The following C6orf89 variants were observed in gnomAD, a reference collection of about 807,000 sequenced individuals.
C6orf89 encodes bombesin receptor-activated protein C6orf89.
In C6orf89, 29 loss-of-function variants were observed where a neutral mutation model predicts 40.7. The observed-to-expected ratio is 0.71, with a 90% CI of 0.53 to 0.97. The LOEUF (loss-of-function observed/expected upper bound fraction) is 0.97. C6orf89 is among the 50% of genes least tolerant of loss of function. The pLI is 0.00. For missense variants in C6orf89, 392 were observed against 429.1 expected (o/e 0.91, Z 0.76); for synonymous variants, 165 against 152.2 (o/e 1.08, Z -0.62).
chr6:36,902,280 C>A lies in C6orf89; in HGVS notation c.249C>A (p.Ser83Arg). The A allele has an allele frequency of 6.2e-7, 1 of 1,614,196 alleles. No homozygotes were observed. The highest frequency in any genetic ancestry group is 1.3e-5 in the African/African-American group (1 of 75,036). Reference sequence around the variant, plus strand: ...CCTACTTTGTGATTCAACCTTTCAGCCCATTAGCACCTGAGCCAGTGCTTT... The same window carrying A: ...CCTACTTTGTGATTCAACCTTTCAGACCATTAGCACCTGAGCCAGTGCTTT... ...LTAYFVIQPF[S>R]PLAPEPVLSG... The change falls in exon 4 of 9, where the codon AGC (serine) becomes AGA (arginine). Residue 83 changes from serine (S) to arginine (R), a missense_variant. Physicochemically the swap from Ser to Arg is moderately radical, Grantham distance 110. Coordinates refer to ENST00000480824, the MANE Select transcript of C6orf89 (RefSeq NM_001286635.2).
At chr6:36,908,028 G>A (rs1211617052) in intron 4 of C6orf89, among the ~76,000 whole-genome samples, 1 of 152,198 alleles carries the variant, frequency 6.6e-6, no homozygotes, top group Non-Finnish European at 1.5e-5. Context: ...TCTTTCTGTT[G>A]TCAGGGACTC....
intron 7 of C6orf89, among the ~76,000 whole-genome samples, chr6:36,919,325 G>A (rs568955785): frequency 6.6e-6 from 1 of 152,300 alleles, no homozygotes; most frequent in South Asian, 2.1e-4. Context: ...AAATCACACA[G>A]TGCCTCTTTA....
intron 1 of C6orf89, among the ~76,000 whole-genome samples, chr6:36,886,933 A>T (rs1022973362): frequency 2.6e-5 from 4 of 152,220 alleles, no homozygotes; most frequent in African/African-American, 9.6e-5. Flanking sequence ...CCCAACTTGC[A>T]TACCAGAAAG....
At chr6:36,873,025 G>A (rs1370879207) in intron 1 of C6orf89, among the ~76,000 whole-genome samples, 1 of 152,232 alleles carries the variant, frequency 6.6e-6, no homozygotes, top group Non-Finnish European at 1.5e-5. Flanking sequence ...CTTTCTGCCT[G>A]AAATTCATCC....
At chr6:36,873,123 G>A (rs1170133465) in intron 1 of C6orf89, among the ~76,000 whole-genome samples, 1 of 152,178 alleles carries the variant, frequency 6.6e-6, no homozygotes, top group Non-Finnish European at 1.5e-5. Context: ...TTACATTCTG[G>A]AGGATATTTT....
At chr6:36,896,792 A>C (rs938371659) in intron 2 of C6orf89, among the ~76,000 whole-genome samples, 7 of 152,072 alleles carry the variant, frequency 4.6e-5, no homozygotes, top group Admixed American at 2.0e-4. Flanking sequence ...TTAGCTTATA[A>C]ATTTAGGTAT....
In C6orf89 at chr6:36,918,225, C is replaced by T. The variant is rs141604913; in HGVS notation, c.826-1353C>T. ...TCCAAGGCCCACTTCACCCACTCCA[C>T]GGTGTGGCCTAGGGCTGGCCTGTGC... On this transcript the variant is annotated intron_variant, in intron 7 of 8. Transcript: ENST00000480824. Among the ~76,000 whole-genome samples the T allele has an allele frequency of 5.9e-5, 9 of 152,356 alleles. No individual in the cohort carries two copies. In the East Asian group the frequency reaches 1.5e-3, roughly 26 times the overall value.
chr6:36,914,638 T>G lies in C6orf89; in HGVS notation c.640T>G (p.Phe214Val), dbSNP rs906033147. Residue 214 changes from phenylalanine (F) to valine (V), a missense_variant, in exon 6 of 9, where the codon TTC becomes GTC. Coordinates refer to ENST00000480824, the MANE Select transcript of C6orf89 (RefSeq NM_001286635.2). ...EATEGFSEGF[F>V]AKWWRCFPER... ...GACAGAAGGCTTCTCTGAAGGGTTT[T>G]TCGCCAAGTGGTGGCGCTGCTTTCC... is the stretch of plus-strand genomic sequence containing the variant. The G allele has an allele frequency of 3.1e-6, 5 of 1,614,136 alleles. No individual in the cohort carries two copies. The African/African-American group carries it at 6.7e-5, about 22-fold the overall frequency.
At chr6:36,914,745 T>C (rs1284477797) in intron 6 of C6orf89, 52 bp downstream of exon 6, 1 of 1,592,092 alleles carries the variant, frequency 6.3e-7, no homozygotes, top group Admixed American at 1.7e-5. Flanking sequence ...ATCCCAGCAC[T>C]TTGGGAGGCC....
Position 36,927,086 on chromosome 6 carries a change from C to T in C6orf89, c.*3645C>T, listed in dbSNP as rs1450243237. ...TTTTTAAGAGTGAATGTAGCTGAAA[C>T]ACAACTGTGTCCAGCCATTTTCCTG... On this transcript the variant is annotated 3_prime_UTR_variant, in exon 9 of 9. Coordinates refer to ENST00000480824, the MANE Select transcript of C6orf89 (RefSeq NM_001286635.2). 1 of 152,252 alleles carries T rather than the reference C, an allele frequency of 6.6e-6. No homozygotes were observed. Among genetic ancestry groups the T allele is most frequent in the South Asian group, 2.1e-4 (1 of 4,838 alleles). 9.4% of individuals were successfully genotyped at this position (152,252 alleles called of 1,614,324 possible). A position where few individuals can be genotyped will look rare whatever the true frequency, so the allele number is the denominator to read the frequency against.
At chr6:36,883,187 G>A (rs1424606495), upstream of C6orf89, 1 of 152,124 alleles carries the variant, frequency 6.6e-6, no homozygotes, top group Admixed American at 6.5e-5. Flanking sequence ...TCACAATCTA[G>A]AACCTGCAGA....
intron 1 of C6orf89, chr6:36,874,623 G>C (rs957667688): frequency 8.5e-5 from 129 of 1,515,744 alleles, no homozygotes; most frequent in Non-Finnish European, 1.1e-4. Flanking sequence ...CGTGGAGGCC[G>C]GCCTCCCGGA....
At chr6:36,884,594 T>C (rs914165367), upstream of C6orf89, among the ~76,000 whole-genome samples, 1 of 152,194 alleles carries the variant, frequency 6.6e-6, no homozygotes, top group African/African-American at 2.4e-5. The surrounding 1 kb of genome is among the most constrained non-coding windows in gnomAD (Gnocchi z 4.0). Context: ...AACCTATGAA[T>C]GACATGCTGA....
intron 4 of C6orf89, among the ~76,000 whole-genome samples, chr6:36,913,327 CCTGAG>C (rs1561872733): frequency 6.6e-6 from 1 of 152,200 alleles, no homozygotes; most frequent in African/African-American, 2.4e-5. Context: ...CCCACCCCCT[CCTGAG>C]CTGGGATAGA....
intron 4 of C6orf89, among the ~76,000 whole-genome samples, chr6:36,911,870 C>T (rs1762134816): frequency 6.6e-6 from 1 of 151,742 alleles, no homozygotes; most frequent in African/African-American, 2.4e-5. Context: ...CTTCTAGAAT[C>T]CACCCCTTTT....
chr6:36,897,014 C>T (rs1034554168), intron 2 of C6orf89, among the ~76,000 whole-genome samples: 25 of 150,734 alleles, frequency 1.7e-4, no homozygotes, highest in Non-Finnish European at 2.1e-4. Context: ...CCTGTAATCC[C>T]GCTACTTGGG....
chr6:36,876,129 CTTGGTCTGT>C (rs1394045136), intron 1 of C6orf89, among the ~76,000 whole-genome samples: 7 of 152,156 alleles, frequency 4.6e-5, no homozygotes, highest in African/African-American at 1.7e-4. Context: ...AGTCTTAATC[CTTGGTCTGT>C]TTAGTCTGTT....
intron 1 of C6orf89, among the ~76,000 whole-genome samples, chr6:36,873,730 G>T (rs578077818): frequency 6.6e-6 from 1 of 152,192 alleles, no homozygotes; most frequent in Non-Finnish European, 1.5e-5. Context: ...TGAGCAAATA[G>T]AGAGAGGACT....
chr6:36,885,083 T>C (rs1223362017), upstream of C6orf89, among the ~76,000 whole-genome samples: 2 of 152,218 alleles, frequency 1.3e-5, no homozygotes, highest in African/African-American at 2.4e-5. Context: ...AAACTAAATA[T>C]GGCCTGAGAA....
Sources: gnomAD v4.1 joint callset for allele counts (sites outside exome capture counted in the v4.1 genomes callset) on GRCh38, gnomAD v4.1.1 for gene constraint, Gnocchi (gnomAD v3.1) non-coding constraint, MANE v1.5 for transcripts, NCBI Gene and HGNC (gene_info 2026-07-23, HGNC 2026-07-21) for gene names.